KCNH7: variants seen among roughly 807,000 people sequenced by gnomAD.
The protein encoded by KCNH7 is potassium voltage-gated channel subfamily H member 7.
In KCNH7, 49 loss-of-function variants were observed where a neutral mutation model predicts 120.8. The observed-to-expected ratio is 0.41, with a 90% CI of 0.32 to 0.51. The LOEUF is 0.51. Among genes scored for constraint, KCNH7 ranks in the 20% least tolerant of loss-of-function variants. The probability of loss-of-function intolerance (pLI) is 0.38; values close to 1 mark genes in which losing one functional copy is unlikely to be tolerated. For synonymous variants in KCNH7, 547 were observed against 516.1 expected (o/e 1.06, Z -0.81); for missense variants, 1,097 against 1,446.6 (o/e 0.76, Z 3.92).
At chr2:162,382,257 A>G (rs1686439778) in intron 13 of KCNH7, among the ~76,000 whole-genome samples, 1 of 152,088 alleles carries the variant, frequency 6.6e-6, no homozygotes, top group African/African-American at 2.4e-5. Flanking sequence ...AACGAAGTGT[A>G]TACTCTTAGA....
At chr2:162,468,395 A>T (rs1689378290) in intron 6 of KCNH7, among the ~76,000 whole-genome samples, 1 of 152,032 alleles carries the variant, frequency 6.6e-6, no homozygotes, top group African/African-American at 2.4e-5. Flanking sequence ...TTTGCTTATG[A>T]TCTAATTTCC....
intron 2 of KCNH7, among the ~76,000 whole-genome samples, chr2:162,578,926 G>A (rs1285106778): frequency 6.7e-6 from 1 of 148,904 alleles, no homozygotes; most frequent in Non-Finnish European, 1.5e-5. Context: ...TCAGATTTAT[G>A]AGTTTTTTTT....
chr2:162,616,999 G>C (rs1422774715), intron 2 of KCNH7, among the ~76,000 whole-genome samples: 1 of 152,112 alleles, frequency 6.6e-6, no homozygotes, highest in East Asian at 1.9e-4. Context: ...ATCAAGTGTA[G>C]ATGGCTCAGA....
Position 162,394,434 on chromosome 2 carries a change from T to C in KCNH7, c.2665A>G (p.Lys889Glu). The change falls in exon 12 of 16, where the codon AAA becomes GAA. Residue 889 changes from lysine (K) to glutamate (E), a missense_variant. By Grantham distance (56) the Lys-to-Glu change is moderately conservative. Coordinates refer to ENST00000332142, the MANE Select transcript of KCNH7 (RefSeq NM_033272.4). ...AATGACAATTTCCTTCTTCTTAGTT[T>C]ACAGTTGTCTCCTTCTGAATCATTC... ...SMNDSEGDNCKLRRRKLSFES... is the reference protein window; with the variant it reads ...SMNDSEGDNCELRRRKLSFES... 1 of 1,607,522 alleles carries C rather than the reference T, an allele frequency of 6.2e-7. No individual in the cohort carries two copies. The highest frequency in any genetic ancestry group is 8.5e-7 in the Non-Finnish European group (1 of 1,174,790).
At chr2:162,470,680 G>A (rs937112006) in intron 6 of KCNH7, among the ~76,000 whole-genome samples, 4 of 151,810 alleles carry the variant, frequency 2.6e-5, no homozygotes, top group African/African-American at 7.3e-5. Context: ...GGGCGCCTCT[G>A]CCCAGCCGCC....
At chr2:162,615,289 A>C (rs1225586031) in intron 2 of KCNH7, among the ~76,000 whole-genome samples, 1 of 152,216 alleles carries the variant, frequency 6.6e-6, no homozygotes, top group African/African-American at 2.4e-5. Context: ...TTGTAAACCA[A>C]GAGTAACTAC....
chr2:162,773,438 A>G (rs1329624687), intron 2 of KCNH7, among the ~76,000 whole-genome samples: 1 of 152,208 alleles, frequency 6.6e-6, no homozygotes. Context: ...CAGTGAGCCG[A>G]GATCACGCCG....
intron 2 of KCNH7, among the ~76,000 whole-genome samples, chr2:162,798,323 C>T (rs759520600): frequency 9.3e-4 from 142 of 152,080 alleles, no homozygotes; most frequent in Non-Finnish European, 1.8e-3. Context: ...AGAGCTAATA[C>T]TTTTGAAAAA....
intron 2 of KCNH7, among the ~76,000 whole-genome samples, chr2:162,632,737 G>C (rs1168041669): frequency 1.3e-5 from 2 of 151,648 alleles, no homozygotes; most frequent in Non-Finnish European, 3.0e-5. Flanking sequence ...ACCTGAAGAA[G>C]GGATAGACTA....
At chr2:162,638,921 A>G (rs900738356) in intron 2 of KCNH7, among the ~76,000 whole-genome samples, 1 of 152,140 alleles carries the variant, frequency 6.6e-6, no homozygotes, top group African/African-American at 2.4e-5. Flanking sequence ...CTATCCATAT[A>G]AATCAGGTTT....
At chr2:162,552,676 G>T (rs1232145666) in intron 2 of KCNH7, among the ~76,000 whole-genome samples, 1 of 152,208 alleles carries the variant, frequency 6.6e-6, no homozygotes, top group Non-Finnish European at 1.5e-5. Flanking sequence ...TCTCTTGCTG[G>T]TCACAGAAGA....
intron 2 of KCNH7, among the ~76,000 whole-genome samples, chr2:162,828,763 A>T (rs1175222312): frequency 6.6e-6 from 1 of 152,092 alleles, no homozygotes; most frequent in Non-Finnish European, 1.5e-5. Context: ...CTAGTTTGAG[A>T]TCATTTTACA....
intron 2 of KCNH7, among the ~76,000 whole-genome samples, chr2:162,686,543 G>A (rs1685899569): frequency 6.6e-6 from 1 of 152,096 alleles, no homozygotes; most frequent in Admixed American, 6.6e-5. Flanking sequence ...TGTGGATCAT[G>A]TTTTACAAAT....
chr2:162,484,767 C>T (rs1258685477), intron 6 of KCNH7, among the ~76,000 whole-genome samples: 2 of 152,096 alleles, frequency 1.3e-5, no homozygotes, highest in Non-Finnish European at 2.9e-5. Flanking sequence ...TCTATTCATT[C>T]CCATGAGAGC....
At chr2:162,559,054 CAA>C (rs780823559) in intron 2 of KCNH7, among the ~76,000 whole-genome samples, 9 of 37,178 alleles carry the variant, frequency 2.4e-4, no homozygotes, top group African/African-American at 7.4e-4. Context: ...GACTCTGCCT[CAA>C]AAAAAAAAAA....
At chr2:162,759,007 G>T (rs1688880522) in intron 2 of KCNH7, among the ~76,000 whole-genome samples, 1 of 152,084 alleles carries the variant, frequency 6.6e-6, no homozygotes, top group Admixed American at 6.6e-5. Context: ...AAAATTCCTT[G>T]TTAAAGAATG....
At chr2:162,701,332 C>T (rs188449521) in intron 2 of KCNH7, among the ~76,000 whole-genome samples, 138 of 152,062 alleles carry the variant, frequency 9.1e-4, no homozygotes, top group Middle Eastern at 3.4e-3. Flanking sequence ...GAAGAATTAT[C>T]ATATTTAGCA....
intron 2 of KCNH7, chr2:162,784,982 A>G (rs1037794499): frequency 6.6e-6 from 1 of 152,224 alleles, no homozygotes; most frequent in Non-Finnish European, 1.5e-5. Flanking sequence ...ACTCCTGGTT[A>G]ACCTCCACAG....
intron 2 of KCNH7, among the ~76,000 whole-genome samples, chr2:162,587,000 T>C (rs1183523747): frequency 6.6e-6 from 1 of 152,146 alleles, no homozygotes; most frequent in Non-Finnish European, 1.5e-5. Context: ...AAGAAATAGC[T>C]GCTTGTTTTT....
Sources: gnomAD v4.1 joint callset for allele counts (sites outside exome capture counted in the v4.1 genomes callset) on GRCh38, gnomAD v4.1.1 for gene constraint, MANE v1.5 for transcripts, NCBI Gene and HGNC (gene_info 2026-07-23, HGNC 2026-07-21) for gene names.